The following TMEM65 variants were observed in gnomAD, a reference collection of about 807,000 sequenced individuals.
TMEM65 encodes the protein transmembrane protein 65.
In TMEM65, 22 loss-of-function variants were observed where a neutral mutation model predicts 25.4. The ratio of observed to expected loss-of-function variants is 0.86; its 90% confidence interval spans 0.62 to 1.23. The LOEUF is 1.23. TMEM65 is among the 50% of genes most tolerant of loss of function. The pLI, the probability that TMEM65 is intolerant of heterozygous loss-of-function variation, is 0.00. For missense variants in TMEM65, 262 were observed against 308.2 expected, an observed-to-expected ratio of 0.85 and a Z score of 1.12; for synonymous variants, 132 against 126.2, an observed-to-expected ratio of 1.05 and a Z score of -0.31.
chr8:124,323,150 A>C (rs1241158135), intron 4 of TMEM65, among the ~76,000 whole-genome samples, 171 bp downstream of exon 4: 2 of 152,150 alleles, frequency 1.3e-5, no homozygotes, highest in African/African-American at 4.8e-5. Context: ...TAAAATTTTC[A>C]GAAAAAGTGC....
intron 1 of TMEM65, among the ~76,000 whole-genome samples, chr8:124,342,942 T>C (rs574876669): frequency 1.2e-3 from 184 of 152,282 alleles, no homozygotes; most frequent in African/African-American, 4.2e-3. Context: ...AGAAGCTTTC[T>C]GATTGCACAT....
intron 6 of TMEM65, among the ~76,000 whole-genome samples, chr8:124,316,500 C>G (rs984612365): frequency 2.0e-5 from 3 of 152,034 alleles, no homozygotes; most frequent in Non-Finnish European, 4.4e-5. Flanking sequence ...TGTTATGTTA[C>G]AGAGTAGAAG....
At chr8:124,336,771 G>C (rs1454953149) in intron 1 of TMEM65, among the ~76,000 whole-genome samples, 1 of 151,804 alleles carries the variant, frequency 6.6e-6, no homozygotes, top group African/African-American at 2.4e-5. Context: ...AGAAGCTACA[G>C]AGCAAAGTAA....
intron 6 of TMEM65, among the ~76,000 whole-genome samples, 180 bp from the exon 7 acceptor site, chr8:124,314,241 A>G (rs914176421): frequency 1.2e-4 from 18 of 152,170 alleles, no homozygotes; most frequent in African/African-American, 4.3e-4. Context: ...TTATGTAAAC[A>G]TAGCTTTGTT....
chr8:124,371,792 G>T, intron 1 of TMEM65, 62 bp downstream of exon 1: 6 of 1,450,736 alleles, frequency 4.1e-6, no homozygotes, highest in Non-Finnish European at 5.5e-6. Context: ...GGCTCCCGGT[G>T]GGCTGGCGAG....
intron 5 of TMEM65, 129 bp downstream of exon 5, chr8:124,321,976 T>C (rs1417901059): frequency 1.2e-5 from 9 of 764,010 alleles, no homozygotes; most frequent in Non-Finnish European, 1.5e-5. Context: ...AAAAGTAAAT[T>C]TGAAATTTTA....
intron 1 of TMEM65, among the ~76,000 whole-genome samples, chr8:124,362,577 G>A (rs910974711): frequency 4.1e-5 from 6 of 146,480 alleles, no homozygotes; most frequent in South Asian, 2.2e-4. Flanking sequence ...CATGAGAATC[G>A]CTTGAGCCCA....
intron 1 of TMEM65, among the ~76,000 whole-genome samples, chr8:124,347,585 A>AT (rs1814654011): frequency 6.6e-6 from 1 of 152,166 alleles, no homozygotes. Flanking sequence ...AAAACTATTG[A>AT]TTTTTTAATT....
intron 3 of TMEM65, 52 bp from the exon 4 acceptor site, chr8:124,323,427 A>C (rs767899901): frequency 3.1e-6 from 3 of 980,064 alleles, no homozygotes; most frequent in Admixed American, 2.5e-5. Context: ...AGTGACTATA[A>C]AAGAATAGCA....
At chr8:124,331,401 GAT>G (rs1814430298) in intron 1 of TMEM65, among the ~76,000 whole-genome samples, 2 of 147,442 alleles carry the variant, frequency 1.4e-5, no homozygotes. Context: ...TAATATATAA[GAT>G]ATATTATATT....
intron 4 of TMEM65, among the ~76,000 whole-genome samples, 182 bp downstream of exon 4, chr8:124,323,139 C>G (rs1814326275): frequency 6.6e-6 from 1 of 151,802 alleles, no homozygotes; most frequent in African/African-American, 2.4e-5. Flanking sequence ...TATAAAGTAC[C>G]TAAAATTTTC....
At position 124,323,290 on chromosome 8, in the gene TMEM65, T is replaced by A. The variant is rs753358478; in HGVS notation, c.472+31A>T. On this transcript the variant is annotated intron_variant, in intron 4 of 6. Coordinates refer to ENST00000297632, the MANE Select transcript of TMEM65 (RefSeq NM_194291.3). ...ACTGAAATGTTTTATAAGTGTACAA[T>A]GAAATAATAACATTTACTACTGTTA... The A allele has an allele frequency of 4.9e-6, 6 of 1,236,768 alleles. No individual in the cohort carries two copies. In the Admixed American group the frequency reaches 1.3e-4, roughly 27 times the overall value. The allele number at this position is 1,236,768 out of a possible 1,614,324, so 76.6% of individuals were successfully genotyped here. A position where few individuals can be genotyped will look rare whatever the true frequency, so the allele number is the denominator to read the frequency against.
chr8:124,368,851 A>G (rs1814974461), intron 1 of TMEM65, among the ~76,000 whole-genome samples: 1 of 152,256 alleles, frequency 6.6e-6, no homozygotes, highest in Non-Finnish European at 1.5e-5. Flanking sequence ...CTCAGAAATT[A>G]TGAGTTAATA....
chr8:124,329,641 ATTTAT>A (rs1304243912), intron 2 of TMEM65, among the ~76,000 whole-genome samples: 1 of 151,982 alleles, frequency 6.6e-6, no homozygotes, highest in Non-Finnish European at 1.5e-5. Flanking sequence ...AAAAATTATA[ATTTAT>A]TTTAACTAAA....
intron 1 of TMEM65, among the ~76,000 whole-genome samples, chr8:124,366,896 A>G (rs1052473343): frequency 1.3e-5 from 2 of 152,198 alleles, no homozygotes; most frequent in Non-Finnish European, 2.9e-5. Context: ...GCAAAGCTTC[A>G]TTTAACTGAG....
chr8:124,349,926 A>G (rs778578480), intron 1 of TMEM65, among the ~76,000 whole-genome samples: 4 of 152,204 alleles, frequency 2.6e-5, no homozygotes, highest in Non-Finnish European at 5.9e-5. Context: ...AATTTGAATA[A>G]GTATCAAATA....
intron 1 of TMEM65, among the ~76,000 whole-genome samples, chr8:124,332,041 T>G (rs1481176844): frequency 6.6e-6 from 1 of 152,116 alleles, no homozygotes; most frequent in Non-Finnish European, 1.5e-5. Context: ...TAAGCTTTAT[T>G]TTTCCTTTTT....
At chr8:124,352,463 T>C (rs1482352976) in intron 1 of TMEM65, among the ~76,000 whole-genome samples, 2 of 148,786 alleles carry the variant, frequency 1.3e-5, no homozygotes, top group Non-Finnish European at 3.0e-5. Context: ...TTAAATTCCT[T>C]GAATTTACTA....
In TMEM65 at chr8:124,309,726, C is replaced by T. The variant is rs1443851776; in HGVS notation, c.*4234G>A. The T allele has an allele frequency of 1.3e-5, 2 of 152,224 alleles. No individual in the cohort carries two copies. Among genetic ancestry groups the T allele is most frequent in the African/African-American group, 4.8e-5 (2 of 41,442 alleles). The allele number at this position is 152,224 out of a possible 1,614,324, so 9.4% of individuals were successfully genotyped here. A position where few individuals can be genotyped will look rare whatever the true frequency, so the allele number is the denominator to read the frequency against. On this transcript the variant is annotated 3_prime_UTR_variant, in exon 7 of 7. Transcript: ENST00000297632. ...TCTTGTTTCATTTATCTCTATAGAA[C>T]TTACCACCATCTGACATAAACAATA...
Sources: gnomAD v4.1 joint callset for allele counts (sites outside exome capture counted in the v4.1 genomes callset) on GRCh38, gnomAD v4.1.1 for gene constraint, MANE v1.5 for transcripts, NCBI Gene and HGNC (gene_info 2026-07-23, HGNC 2026-07-21) for gene names.